Variants in ROR1 observed in about 807,000 individuals in gnomAD.
ROR1 encodes the protein ROR family WNT receptor 1.
In ROR1, 19 loss-of-function variants were observed where a neutral mutation model predicts 78.8. That is an observed-to-expected ratio of 0.24 (90% CI 0.17 to 0.35). The LOEUF (loss-of-function observed/expected upper bound fraction) is 0.35. Among genes scored for constraint, ROR1 ranks in the 10% least tolerant of loss-of-function variants. The pLI is 1.00. For missense variants in ROR1, 917 were observed against 1,177.8 expected, an observed-to-expected ratio of 0.78 and a Z score of 3.24; for synonymous variants, 386 against 433.6, an observed-to-expected ratio of 0.89 and a Z score of 1.36.
intron 1 of ROR1, among the ~76,000 whole-genome samples, chr1:63,893,149 TTGAC>T (rs1410806871): frequency 6.6e-6 from 1 of 152,100 alleles, no homozygotes; most frequent in African/African-American, 2.4e-5. Context: ...CGAGGGGAGA[TTGAC>T]TGTGTGCTTA....
At position 63,952,988 on chromosome 1, in the gene ROR1, GA is replaced by G. The variant is rs1372835571; in HGVS notation, c.92-56316del. Among the ~76,000 whole-genome samples the G allele has an allele frequency of 2.6e-5, 4 of 152,116 alleles. No homozygotes were observed. The East Asian group carries it at 7.7e-4, about 29-fold the overall frequency. ...TATTTGGGGTTACTAAGGGGATGGG[GA>G]TCAATGAAAATTATGGGGCATTAAT... On this transcript the variant is annotated intron_variant, in intron 1 of 8. Coordinates refer to ENST00000371079, the MANE Select transcript of ROR1 (RefSeq NM_005012.4).
At chr1:63,789,190 G>T in intron 1 of ROR1, 1 of 599,440 alleles carries the variant, frequency 1.7e-6, no homozygotes, top group Non-Finnish European at 3.2e-6. Flanking sequence ...CAGATCTGCT[G>T]ACAGGAGTTG....
At chr1:64,152,027 C>T (rs746672352) in intron 7 of ROR1, among the ~76,000 whole-genome samples, 10 of 152,188 alleles carry the variant, frequency 6.6e-5, no homozygotes, top group Non-Finnish European at 1.3e-4. Context: ...GAAATCCTTC[C>T]ACTTCAAAGT....
chr1:64,071,544 C>T (rs1294623667), intron 4 of ROR1, among the ~76,000 whole-genome samples: 6 of 152,004 alleles, frequency 3.9e-5, no homozygotes, highest in South Asian at 4.2e-4. Context: ...ACTCATGTCC[C>T]GTTCTGGTCC....
chr1:63,965,406 C>G (rs1403178884), intron 1 of ROR1, among the ~76,000 whole-genome samples: 2 of 152,120 alleles, frequency 1.3e-5, no homozygotes, highest in Non-Finnish European at 2.9e-5. Flanking sequence ...AGAGTGTTGT[C>G]GTTGGAAACT....
intron 2 of ROR1, among the ~76,000 whole-genome samples, chr1:64,043,728 C>A (rs988586664): frequency 6.6e-6 from 1 of 152,148 alleles, no homozygotes; most frequent in African/African-American, 2.4e-5. Flanking sequence ...ATAATATGGT[C>A]TCTGCTGTTC....
At chr1:64,077,829 A>G (rs1034470658) in intron 4 of ROR1, among the ~76,000 whole-genome samples, 18 of 152,264 alleles carry the variant, frequency 1.2e-4, no homozygotes, top group African/African-American at 3.9e-4. Context: ...TAGAACCAGC[A>G]TGTCCTTGCT....
chr1:64,118,395 G>A (rs980526703), intron 4 of ROR1, among the ~76,000 whole-genome samples: 2 of 151,834 alleles, frequency 1.3e-5, no homozygotes, highest in African/African-American at 4.8e-5. Context: ...TTGGGAGGCC[G>A]AGGCAGGCAG....
At chr1:63,878,046 C>T (rs577955167) in intron 1 of ROR1, among the ~76,000 whole-genome samples, 13 of 152,262 alleles carry the variant, frequency 8.5e-5, no homozygotes, top group African/African-American at 2.4e-4. Context: ...AGGACCTCTC[C>T]GGCATCTGGC....
chr1:63,861,440 C>A (rs1269867583), intron 1 of ROR1, among the ~76,000 whole-genome samples: 1 of 152,188 alleles, frequency 6.6e-6, no homozygotes, highest in African/African-American at 2.4e-5. Flanking sequence ...ATTGCTCTGT[C>A]ATAGCCTGCT....
chr1:64,100,233 G>A (rs1213998379), intron 4 of ROR1, among the ~76,000 whole-genome samples: 3 of 151,980 alleles, frequency 2.0e-5, no homozygotes, highest in African/African-American at 4.8e-5. Context: ...TGTAATCCCA[G>A]CACTTTGGAA....
intron 1 of ROR1, among the ~76,000 whole-genome samples, chr1:63,998,115 C>T (rs977871261): frequency 3.9e-5 from 6 of 152,058 alleles, no homozygotes; most frequent in Non-Finnish European, 7.4e-5. Context: ...CTAACCTATT[C>T]CAGGATCATT....
chr1:63,930,343 G>A (rs1023172443), intron 1 of ROR1, among the ~76,000 whole-genome samples: 2 of 152,216 alleles, frequency 1.3e-5, no homozygotes, highest in African/African-American at 2.4e-5. Context: ...TACAATGAAA[G>A]CAAGTCATAG....
In ROR1 at chr1:64,056,818, TG is replaced by T. The variant is rs538861027; in HGVS notation, c.482+6106del. Among the ~76,000 whole-genome samples the T allele has an allele frequency of 4.5e-4, 69 of 152,348 alleles. 1 individual carries two copies. The highest frequency in any genetic ancestry group is 7.5e-4 in the Non-Finnish European group (51 of 68,034). On this transcript the variant is annotated intron_variant, in intron 4 of 8. Coordinates refer to ENST00000371079, the MANE Select transcript of ROR1 (RefSeq NM_005012.4). ...GCATATTGGCCATTTATGTTTTCTT[TG>T]GGGAAATGTTTGTTCAAACTTTTTA...
intron 1 of ROR1, among the ~76,000 whole-genome samples, chr1:63,966,003 T>G (rs920694461): frequency 6.6e-6 from 1 of 152,202 alleles, no homozygotes; most frequent in Non-Finnish European, 1.5e-5. Flanking sequence ...CTGTTACTGA[T>G]AGTAACCCCT....
At chr1:64,176,404 T>C (rs1650380875) in intron 8 of ROR1, among the ~76,000 whole-genome samples, 3 of 152,218 alleles carry the variant, frequency 2.0e-5, no homozygotes, top group Admixed American at 1.3e-4. Context: ...CTCATAGGTC[T>C]GAGTGCTTTA....
At chr1:63,958,852 C>A (rs1289829788) in intron 1 of ROR1, among the ~76,000 whole-genome samples, 1 of 152,166 alleles carries the variant, frequency 6.6e-6, no homozygotes, top group African/African-American at 2.4e-5. Flanking sequence ...TAGGAGCTTT[C>A]ACAGCATCCC....
At chr1:64,143,662 T>G (rs761206164) in intron 7 of ROR1, among the ~76,000 whole-genome samples, 1 of 152,154 alleles carries the variant, frequency 6.6e-6, no homozygotes, top group South Asian at 2.1e-4. Flanking sequence ...TGCCAAGTAC[T>G]TACTCATCCG....
At chr1:63,942,092 C>T (rs1346413060) in intron 1 of ROR1, among the ~76,000 whole-genome samples, 1 of 152,194 alleles carries the variant, frequency 6.6e-6, no homozygotes, top group Admixed American at 6.5e-5. Flanking sequence ...TGCCCAGCAC[C>T]CTGCCTGGCA....
Sources: gnomAD v4.1 joint callset for allele counts (sites outside exome capture counted in the v4.1 genomes callset) on GRCh38, gnomAD v4.1.1 for gene constraint, MANE v1.5 for transcripts, NCBI Gene and HGNC (gene_info 2026-07-23, HGNC 2026-07-21) for gene names.